The following PLEKHA4 variants were observed in gnomAD, a reference collection of about 807,000 sequenced individuals.
The protein encoded by PLEKHA4 is pleckstrin homology domain containing A4.
PLEKHA4 carries 73 observed loss-of-function variants against 94.7 expected under a neutral mutation model. The ratio of observed to expected loss-of-function variants is 0.77; its 90% CI spans 0.64 to 0.94. The LOEUF (loss-of-function observed/expected upper bound fraction) is 0.94. Among genes scored for constraint, PLEKHA4 ranks in the 40% least tolerant of loss-of-function variants. The probability of loss-of-function intolerance (pLI) is 0.00; values close to 1 mark genes in which losing one functional copy is unlikely to be tolerated. For synonymous variants in PLEKHA4, 449 were observed against 437.1 expected, an observed-to-expected ratio of 1.03 and a Z score of -0.34; for missense variants, 1,049 against 1,054.1, an observed-to-expected ratio of 1.00 and a Z score of 0.07.
chr19:48,861,276 AC>A, intron 5 of PLEKHA4, 124 bp downstream of exon 5: 1 of 838,586 alleles, frequency 1.2e-6, no homozygotes, highest in Non-Finnish European at 2.0e-6. Context: ...GCTTGTCAAG[AC>A]CTTTTATCTC....
intron 7 of PLEKHA4, 113 bp from the exon 8 acceptor site, chr19:48,859,252 C>G (rs1048698629): frequency 4.1e-6 from 4 of 969,512 alleles, no homozygotes; most frequent in Non-Finnish European, 6.2e-6. Context: ...TCTTACTGTC[C>G]CACTGGGTTA....
At chr19:48,854,892 G>A (rs1042990806) in intron 9 of PLEKHA4, among the ~76,000 whole-genome samples, 1 of 151,250 alleles carries the variant, frequency 6.6e-6, no homozygotes, top group African/African-American at 2.4e-5. Flanking sequence ...TGTTTTCAGG[G>A]CTGGGGTCTC....
intron 9 of PLEKHA4, among the ~76,000 whole-genome samples, chr19:48,855,027 C>T (rs1321047845): frequency 1.3e-5 from 2 of 152,054 alleles, no homozygotes; most frequent in Non-Finnish European, 2.9e-5. Context: ...TATCAGCTTC[C>T]TTCTAAGCAT....
Position 48,858,627 on chromosome 19 carries a change from C to CAAA in PLEKHA4, c.972+230_972+232dup, listed in dbSNP as rs56663437. On this transcript the variant is annotated intron_variant, in intron 8 of 19. Transcript: ENST00000263265. ...TGGCGACAGAGCAAGACCTCAGTCT[C>CAAA]AAAAAAAAAAAAAAAAAGCAATGGC... Among the ~76,000 whole-genome samples the CAAA allele has an allele frequency of 2.5e-3, 158 of 63,446 alleles. 13 individuals carry two copies. The highest frequency in any genetic ancestry group is 0.016 in the African/African-American group (151 of 9,246). 41.6% of individuals were successfully genotyped at this position (63,446 alleles called of 152,430 possible). A position where few individuals can be genotyped will look rare whatever the true frequency, so the allele number is the denominator to read the frequency against.
In PLEKHA4 at chr19:48,842,143, CT is replaced by C. The variant is rs398059794; in HGVS notation, c.1744-834del. The stretch of plus-strand genomic sequence containing the variant: ...TTACCCTATGTTGTTAATTTATTTT[CT>C]TTTTTTTTTTTTTTTTTTGAGACAG... On this transcript the variant is annotated intron_variant, in intron 16 of 19. Coordinates refer to ENST00000263265, the MANE Select transcript of PLEKHA4 (RefSeq NM_020904.3). Among the ~76,000 whole-genome samples, 1,104 of 121,422 alleles carry C rather than the reference CT, an allele frequency of 9.1e-3. 3 individuals carry two copies. The highest frequency in any genetic ancestry group is 0.029 in the African/African-American group (861 of 29,372). 79.7% of individuals were successfully genotyped at this position (121,422 alleles called of 152,430 possible).
At chr19:48,853,485 C>G (rs2036280623) in intron 12 of PLEKHA4, among the ~76,000 whole-genome samples, 197 bp downstream of exon 12, 2 of 142,810 alleles carry the variant, frequency 1.4e-5, no homozygotes, top group Non-Finnish European at 3.0e-5. Flanking sequence ...GGCGACAGAG[C>G]AAGACTCTGT....
rs2035579091 is a variant in PLEKHA4, at chr19:48,837,521, A to C, written c.2108T>G (p.Leu703Arg). Residue 703 changes from leucine (L) to arginine (R), a missense_variant, in exon 20 of 20, where the codon CTT becomes CGT. Physicochemically the swap from Leu to Arg is moderately radical, Grantham distance 102. Transcript: ENST00000263265. The surrounding 1 kb of genome is among the most constrained non-coding windows in gnomAD (Gnocchi z 4.3). Reference protein sequence around the residue: ...GGNLDSQGDPLPGVPLPPSDP... With the variant: ...GGNLDSQGDPRPGVPLPPSDP... ...CGAAGGAGGCAGCGGCACACCGGGA[A>C]GAGGGTCTCCCTGGGAGTCCAAATT... 4 of 1,613,170 alleles carry C rather than the reference A, an allele frequency of 2.5e-6. No individual in the cohort carries two copies. The highest frequency in any genetic ancestry group is 1.6e-4 in the Middle Eastern group (1 of 6,070).
At position 48,838,096 on chromosome 19, in the gene PLEKHA4, G is replaced by A. The variant is rs150707206; in HGVS notation, c.1998C>T (p.Ser666=). 14 of 1,612,956 alleles carry A rather than the reference G, an allele frequency of 8.7e-6. No homozygotes were observed. In the African/African-American group the frequency reaches 1.1e-4, roughly 12 times the overall value. The change falls in exon 19 of 20, where the codon TCC becomes TCT. Residue 666 remains serine, a synonymous_variant. Coordinates refer to ENST00000263265, the MANE Select transcript of PLEKHA4 (RefSeq NM_020904.3). ...PRNTTPYLPT[S]EGHRERVLSL... Reference sequence around the variant, plus strand: ...TGAGAACCCGCTCCCGGTGACCTTCGGAAGTCGGCAAGTAAGGGGTGGTGT... The same window carrying A: ...TGAGAACCCGCTCCCGGTGACCTTCAGAAGTCGGCAAGTAAGGGGTGGTGT...
At chr19:48,846,776 CA>C (rs973479808) in intron 14 of PLEKHA4, among the ~76,000 whole-genome samples, 1 of 152,004 alleles carries the variant, frequency 6.6e-6, no homozygotes, top group Admixed American at 6.6e-5. Context: ...TCCAAAAAAA[CA>C]AAAAAACTGT....
At chr19:48,841,940 C>T (rs2035783804) in intron 16 of PLEKHA4, among the ~76,000 whole-genome samples, 3 of 151,996 alleles carry the variant, frequency 2.0e-5, no homozygotes, top group Admixed American at 1.3e-4. Flanking sequence ...GGCAAGATCC[C>T]GTATCTAAAA....
chr19:48,848,741 G>A (rs947047578), intron 13 of PLEKHA4, among the ~76,000 whole-genome samples: 3 of 150,622 alleles, frequency 2.0e-5, no homozygotes, highest in African/African-American at 7.3e-5. Context: ...AGGTTGCAGT[G>A]AGCTGAGATC....
intron 9 of PLEKHA4, among the ~76,000 whole-genome samples, chr19:48,854,696 CTTTTTTTTTTTT>C (rs397859722): frequency 1.2e-5 from 1 of 81,364 alleles, no homozygotes; most frequent in Non-Finnish European, 2.3e-5. Context: ...CATGCCTGGC[CTTTTTTTTTTTT>C]TTTTTTTTTT....
intron 14 of PLEKHA4, among the ~76,000 whole-genome samples, 184 bp downstream of exon 14, chr19:48,847,716 A>G (rs1355785811): frequency 6.6e-6 from 1 of 152,200 alleles, no homozygotes; most frequent in African/African-American, 2.4e-5. Flanking sequence ...TGGATGACAG[A>G]GTGAGACTAC....
intron 18 of PLEKHA4, 163 bp from the exon 19 acceptor site, chr19:48,838,292 TA>T: frequency 1.9e-6 from 1 of 518,374 alleles, no homozygotes; most frequent in Non-Finnish European, 3.5e-6. Context: ...TTAAATAAAT[TA>T]AAGGGTGTAA....
At position 48,868,445 on chromosome 19, in the gene PLEKHA4, A is replaced by ATT. The variant is rs1433194227; in HGVS notation, c.-371_-370dup. 1 of 121,716 alleles carries ATT rather than the reference A, an allele frequency of 8.2e-6. No individual in the cohort carries two copies. Among genetic ancestry groups the ATT allele is most frequent in the Non-Finnish European group, 1.7e-5 (1 of 58,168 alleles). 7.5% of individuals were successfully genotyped at this position (121,716 alleles called of 1,614,324 possible). On this transcript the variant is annotated 5_prime_UTR_variant, in exon 1 of 20. It adds an upstream start codon to the 5' untranslated region. Coordinates refer to ENST00000263265, the MANE Select transcript of PLEKHA4 (RefSeq NM_020904.3). Reference sequence around the variant, plus strand: ...GGTCTCTTCCTTAAGTCTCTGTCTCATTCTCTCTCTCTCTCTCTCTCTGTC... The same window carrying ATT: ...GGTCTCTTCCTTAAGTCTCTGTCTCATTTTCTCTCTCTCTCTCTCTCTCTGTC...
Position 48,859,158 on chromosome 19 carries a change from C to A in PLEKHA4, c.693-19G>T. ...GAACAGGCTGTGGGAAGGAGAGAAT[C>A]GGGGAACTGAGTCAACTAGAGCCCT... is the stretch of plus-strand genomic sequence containing the variant. On this transcript the variant is annotated intron_variant, in intron 7 of 19. Transcript: ENST00000263265. The A allele has an allele frequency of 6.6e-7, 1 of 1,514,930 alleles. No homozygotes were observed. The highest frequency in any genetic ancestry group is 1.2e-5 in the South Asian group (1 of 82,946). 93.8% of individuals were successfully genotyped at this position (1,514,930 alleles called of 1,614,324 possible). A position where few individuals can be genotyped will look rare whatever the true frequency, so the allele number is the denominator to read the frequency against.
Position 48,845,691 on chromosome 19 carries a change from G to A in PLEKHA4, c.1567-75C>T, listed in dbSNP as rs1054801291. 55 of 1,216,618 alleles carry A rather than the reference G, an allele frequency of 4.5e-5. No individual in the cohort carries two copies. In the Admixed American group the frequency reaches 1.3e-3, roughly 30 times the overall value. The allele number at this position is 1,216,618 out of a possible 1,614,324, so 75.4% of individuals were successfully genotyped here. A position where few individuals can be genotyped will look rare whatever the true frequency, so the allele number is the denominator to read the frequency against. ...ATTATTACCATGTTGCAAGCATTTAGGCATTGGAATACAGTCTGAATAGGA... is the reference window on the plus strand; with the variant it reads ...ATTATTACCATGTTGCAAGCATTTAAGCATTGGAATACAGTCTGAATAGGA... On this transcript the variant is annotated intron_variant, in intron 14 of 19. Coordinates refer to ENST00000263265, the MANE Select transcript of PLEKHA4 (RefSeq NM_020904.3).
At position 48,854,012 on chromosome 19, in the gene PLEKHA4, C is replaced by G. The variant is rs1254461008; in HGVS notation, c.1171G>C (p.Glu391Gln). Residue 391 changes from glutamate (E) to glutamine (Q), a missense_variant, in exon 11 of 20, where the codon GAG (glutamate) becomes CAG (glutamine). Coordinates refer to ENST00000263265, the MANE Select transcript of PLEKHA4 (RefSeq NM_020904.3). ...CTTGGCCCAGGGCCCCGCACCTTCTCCTCCTGCTTCTGGTCTATCTCCTCC... is the reference window on the plus strand; with the variant it reads ...CTTGGCCCAGGGCCCCGCACCTTCTGCTCCTGCTTCTGGTCTATCTCCTCC... The part of the protein sequence containing the change: ...LQEEIDQKQE[E>Q]KEQLEAALEL... The G allele has an allele frequency of 6.2e-7, 1 of 1,614,118 alleles. No individual in the cohort carries two copies. Among genetic ancestry groups the G allele is most frequent in the Admixed American group, 1.7e-5 (1 of 60,000 alleles).
rs1234859207 is a variant in PLEKHA4, at chr19:48,853,329, G to A, written c.1326+353C>T. Among the ~76,000 whole-genome samples the A allele has an allele frequency of 2.0e-5, 3 of 151,964 alleles. 1 individual carries two copies. The highest frequency in any genetic ancestry group is 4.4e-5 in the Non-Finnish European group (3 of 68,002). On this transcript the variant is annotated intron_variant, in intron 12 of 19. Transcript: ENST00000263265. The stretch of plus-strand genomic sequence containing the variant: ...GCTGATCACCTGAGGTTAGGAGTTC[G>A]AGACCAGCCTGGCCAACATGGCAAA...
Sources: allele counts gnomAD v4.1 joint callset (sites outside exome capture counted in the v4.1 genomes callset), GRCh38; gene constraint gnomAD v4.1.1; non-coding constraint Gnocchi (gnomAD v3.1); transcripts MANE v1.5; gene names NCBI Gene and HGNC (gene_info 2026-07-23, HGNC 2026-07-21).